Variants in MBNL2 observed in about 807,000 individuals in gnomAD.
MBNL2 encodes the protein muscleblind like splicing regulator 2.
A neutral mutation model predicts 41.9 loss-of-function variants in MBNL2; 17 were observed. That is an observed-to-expected ratio of 0.41 (90% CI 0.28 to 0.61). The LOEUF (loss-of-function observed/expected upper bound fraction) is 0.61. MBNL2 is among the 20% of genes least tolerant of loss of function. MBNL2 has a pLI of 0.35. For missense variants in MBNL2, 336 were observed against 505.6 expected (o/e 0.66, Z 3.22); for synonymous variants, 195 against 182.9 (o/e 1.07, Z -0.53).
intron 8 of MBNL2, among the ~76,000 whole-genome samples, chr13:97,385,233 C>G (rs907973017): frequency 1.6e-4 from 24 of 152,188 alleles, no homozygotes; most frequent in African/African-American, 5.8e-4. Context: ...GACAGTCCCC[C>G]TGTCCTTAAA....
chr13:97,233,126 CATAT>C (rs376967986), intron 1 of MBNL2, among the ~76,000 whole-genome samples: 1,272 of 39,346 alleles, frequency 0.032, 33 homozygotes, highest in Non-Finnish European at 0.042. Flanking sequence ...GGCTCTTTTT[CATAT>C]ATATATATAT....
the MBNL2 span, among the ~76,000 whole-genome samples, chr13:97,147,337 T>C: frequency 6.6e-6 from 1 of 152,228 alleles, no homozygotes; most frequent in Admixed American, 6.5e-5. Context: ...GTTTATAGAA[T>C]GTATGTTCAT....
At chr13:97,286,690 C>T (rs1470700893) in intron 2 of MBNL2, among the ~76,000 whole-genome samples, 2 of 152,238 alleles carry the variant, frequency 1.3e-5, no homozygotes, top group East Asian at 3.8e-4. Flanking sequence ...CACTGTGCTC[C>T]AGCCACATTG....
chr13:97,157,536 A>G, the MBNL2 span, among the ~76,000 whole-genome samples: 1 of 125,618 alleles, frequency 8.0e-6, no homozygotes, highest in Non-Finnish European at 1.7e-5. Context: ...TGGGTTTGTC[A>G]TAGATAGCTC....
chr13:97,262,912 C>T (rs952712720), intron 1 of MBNL2, among the ~76,000 whole-genome samples: 1 of 152,136 alleles, frequency 6.6e-6, no homozygotes, highest in African/African-American at 2.4e-5. Context: ...TACAGGCATG[C>T]ATCACCACGC....
chr13:97,264,614 T>A (rs2049355128), intron 1 of MBNL2, among the ~76,000 whole-genome samples: 1 of 152,262 alleles, frequency 6.6e-6, no homozygotes, highest in South Asian at 2.1e-4. Flanking sequence ...ATTTTGTTTT[T>A]AAAGTGTGTC....
intron 3 of MBNL2, among the ~76,000 whole-genome samples, chr13:97,339,510 A>C (rs562270479): frequency 6.6e-6 from 1 of 152,016 alleles, no homozygotes; most frequent in Non-Finnish European, 1.5e-5. Flanking sequence ...GACCAAATGG[A>C]TCCTGTCTCA....
At chr13:97,194,052 A>G in the MBNL2 span, among the ~76,000 whole-genome samples, 72 of 152,312 alleles carry the variant, frequency 4.7e-4, no homozygotes, top group African/African-American at 1.6e-3. Flanking sequence ...GATATTTCTC[A>G]GCTTTCAGAT....
At chr13:97,156,815 G>GA in the MBNL2 span, among the ~76,000 whole-genome samples, 1 of 152,174 alleles carries the variant, frequency 6.6e-6, no homozygotes, top group Non-Finnish European at 1.5e-5. Flanking sequence ...AGTATAGTTT[G>GA]AAATCAGGTA....
intron 1 of MBNL2, among the ~76,000 whole-genome samples, chr13:97,257,812 C>T (rs2047845306): frequency 6.6e-6 from 1 of 152,258 alleles, no homozygotes. Flanking sequence ...GCCCATTCCT[C>T]AGCTTCCCCT....
intron 2 of MBNL2, among the ~76,000 whole-genome samples, chr13:97,290,955 A>G (rs74108915): frequency 0.011 from 1,686 of 152,232 alleles, 39 homozygotes; most frequent in African/African-American, 0.039. Flanking sequence ...CGTTTTGCCA[A>G]TTCCTGGAAA....
chr13:97,211,049 C>T, the MBNL2 span, among the ~76,000 whole-genome samples: 1 of 152,070 alleles, frequency 6.6e-6, no homozygotes, highest in Non-Finnish European at 1.5e-5. Flanking sequence ...ACATTTGATG[C>T]ATGATCTGAC....
chr13:97,189,266 ATCTC>A, the MBNL2 span, among the ~76,000 whole-genome samples: 4 of 152,288 alleles, frequency 2.6e-5, no homozygotes, highest in South Asian at 6.2e-4. Flanking sequence ...AATTACCTGT[ATCTC>A]TCACTCATTG....
chr13:97,367,321 G>T (rs2063928954), intron 8 of MBNL2, among the ~76,000 whole-genome samples: 1 of 152,184 alleles, frequency 6.6e-6, no homozygotes, highest in Admixed American at 6.5e-5. Flanking sequence ...TGTGCTCCTA[G>T]CCACAAGGAG....
chr13:97,259,662 A>T (rs1285093397), intron 1 of MBNL2, among the ~76,000 whole-genome samples: 1 of 152,188 alleles, frequency 6.6e-6, no homozygotes, highest in African/African-American at 2.4e-5. Flanking sequence ...CTTCTCCTTA[A>T]ATCAGCCTTG....
chr13:97,367,745 G>A (rs1303894444), intron 8 of MBNL2, among the ~76,000 whole-genome samples: 1 of 152,150 alleles, frequency 6.6e-6, no homozygotes, highest in Non-Finnish European at 1.5e-5. Context: ...AGGGAGGGGA[G>A]GCCGAACAGC....
At chr13:97,179,530 T>G in the MBNL2 span, 1 of 152,282 alleles carries the variant, frequency 6.6e-6, no homozygotes, top group Non-Finnish European at 1.5e-5. Context: ...CTGTCTGGAC[T>G]GTCTTCTGGG....
chr13:97,264,153 G>A (rs962973779), intron 1 of MBNL2, among the ~76,000 whole-genome samples: 22 of 151,398 alleles, frequency 1.5e-4, no homozygotes, highest in South Asian at 2.1e-4. Flanking sequence ...TCAGCCTCCC[G>A]AGTAGCTGGG....
At chr13:97,361,075 T>C (rs1169958842) in intron 7 of MBNL2, among the ~76,000 whole-genome samples, 1 of 152,126 alleles carries the variant, frequency 6.6e-6, no homozygotes, top group Admixed American at 6.5e-5. Context: ...GAGCCAGTAA[T>C]GAGAATACAA....
Sources: allele counts gnomAD v4.1 joint callset (sites outside exome capture counted in the v4.1 genomes callset), GRCh38; gene constraint gnomAD v4.1.1; transcripts MANE v1.5; gene names NCBI Gene and HGNC (gene_info 2026-07-23, HGNC 2026-07-21).